SLC25A13: variants seen among roughly 807,000 people sequenced by gnomAD.
SLC25A13 encodes the protein solute carrier family 25 member 13.
Under a neutral mutation model 85.5 loss-of-function variants are expected in SLC25A13, and 70 were observed. The observed-to-expected ratio is 0.82, with a 90% CI of 0.68 to 1.00. SLC25A13 has a LOEUF of 1.00. SLC25A13 is among the 50% of genes least tolerant of loss of function. The pLI is 0.00. For synonymous variants in SLC25A13, 259 were observed against 288.7 expected, an observed-to-expected ratio of 0.90 and a Z score of 1.04; for missense variants, 765 against 819.8, an observed-to-expected ratio of 0.93 and a Z score of 0.82.
At chr7:96,235,036 A>G in intron 3 of SLC25A13, 119 bp from the exon 4 acceptor site, 1 of 696,288 alleles carries the variant, frequency 1.4e-6, no homozygotes, top group Non-Finnish European at 2.5e-6. Context: ...ATTCAAACTG[A>G]AAACATTTAT....
intron 4 of SLC25A13, among the ~76,000 whole-genome samples, chr7:96,228,362 C>T (rs1271130048): frequency 6.6e-6 from 1 of 152,064 alleles, no homozygotes; most frequent in Non-Finnish European, 1.5e-5. Flanking sequence ...AAGAAGATAG[C>T]CAAATGGCCA....
At chr7:96,164,747 A>ACAC (rs55828121) in intron 13 of SLC25A13, among the ~76,000 whole-genome samples, 1 of 85,062 alleles carries the variant, frequency 1.2e-5, no homozygotes, top group Non-Finnish European at 2.6e-5. Flanking sequence ...CACACACACA[A>ACAC]AAGAAGCAGC....
intron 4 of SLC25A13, among the ~76,000 whole-genome samples, chr7:96,210,988 T>C (rs778522905): frequency 2.0e-5 from 3 of 152,188 alleles, no homozygotes; most frequent in Non-Finnish European, 4.4e-5. Flanking sequence ...TCAATCTCTG[T>C]TTCCCATAGA....
At chr7:96,310,740 A>G (rs1336693235) in intron 1 of SLC25A13, among the ~76,000 whole-genome samples, 1 of 152,232 alleles carries the variant, frequency 6.6e-6, no homozygotes, top group Non-Finnish European at 1.5e-5. Context: ...TTCAGTAAAG[A>G]AACTTTATCA....
At chr7:96,128,457 C>T (rs1372434666) in intron 15 of SLC25A13, among the ~76,000 whole-genome samples, 2 of 152,136 alleles carry the variant, frequency 1.3e-5, no homozygotes, top group Admixed American at 1.3e-4. Flanking sequence ...CTTCGCATTA[C>T]ACAGTTTTTA....
chr7:96,314,901 T>C (rs1039357690), intron 1 of SLC25A13, among the ~76,000 whole-genome samples: 4 of 152,172 alleles, frequency 2.6e-5, no homozygotes, highest in African/African-American at 9.7e-5. Context: ...TGAAGCCATA[T>C]GACCTAAGCC....
At chr7:96,225,962 T>C (rs1377614029) in intron 4 of SLC25A13, among the ~76,000 whole-genome samples, 3 of 150,262 alleles carry the variant, frequency 2.0e-5, no homozygotes, top group African/African-American at 7.4e-5. Context: ...TCCATCCCCA[T>C]ATCTACACGA....
intron 14 of SLC25A13, among the ~76,000 whole-genome samples, chr7:96,133,395 C>T (rs1157000458): frequency 2.0e-5 from 3 of 152,174 alleles, no homozygotes; most frequent in Non-Finnish European, 2.9e-5. Flanking sequence ...GGTAATCTAT[C>T]GTCCTGGATG....
At chr7:96,240,441 G>A (rs1166584905) in intron 3 of SLC25A13, among the ~76,000 whole-genome samples, 1 of 152,204 alleles carries the variant, frequency 6.6e-6, no homozygotes, top group Non-Finnish European at 1.5e-5. Context: ...ATGTTTGGCA[G>A]AGGGCAGTTC....
intron 2 of SLC25A13, among the ~76,000 whole-genome samples, chr7:96,290,115 A>G (rs2116977037): frequency 6.6e-6 from 1 of 152,352 alleles, no homozygotes; most frequent in South Asian, 2.1e-4. Flanking sequence ...AGTGGGGGCC[A>G]ATATTCAACA....
intron 13 of SLC25A13, among the ~76,000 whole-genome samples, chr7:96,159,450 A>C (rs897699804): frequency 1.3e-5 from 2 of 152,166 alleles, no homozygotes; most frequent in African/African-American, 4.8e-5. Context: ...CACAGACGAC[A>C]CATGGACTGA....
chr7:96,132,386 C>G (rs949022102), intron 14 of SLC25A13, among the ~76,000 whole-genome samples: 2 of 152,148 alleles, frequency 1.3e-5, no homozygotes, highest in African/African-American at 4.8e-5. Flanking sequence ...AAAATTATAT[C>G]TTTTCAGGGG....
At chr7:96,281,208 T>G (rs78687070) in intron 2 of SLC25A13, among the ~76,000 whole-genome samples, 1 of 152,094 alleles carries the variant, frequency 6.6e-6, no homozygotes, top group African/African-American at 2.4e-5. Context: ...CTGGCCAACA[T>G]GGTGAAACCC....
intron 15 of SLC25A13, among the ~76,000 whole-genome samples, chr7:96,131,022 A>G (rs1217203832): frequency 6.6e-6 from 1 of 152,194 alleles, no homozygotes; most frequent in African/African-American, 2.4e-5. Context: ...ACAGGTATCA[A>G]AAATGTTTGG....
chr7:96,132,495 CAAT>C (rs1353746132), intron 14 of SLC25A13, among the ~76,000 whole-genome samples: 11 of 152,176 alleles, frequency 7.2e-5, no homozygotes, highest in African/African-American at 2.4e-4. Flanking sequence ...GAAATATTCA[CAAT>C]AATTCGGATA....
At chr7:96,242,754 G>A (rs183566302) in intron 3 of SLC25A13, among the ~76,000 whole-genome samples, 5 of 152,172 alleles carry the variant, frequency 3.3e-5, no homozygotes, top group East Asian at 3.9e-4. Context: ...GGAAGCCTTC[G>A]CCCCACTTCG....
intron 4 of SLC25A13, among the ~76,000 whole-genome samples, chr7:96,230,503 C>T (rs888324073): frequency 2.6e-5 from 4 of 152,308 alleles, no homozygotes; most frequent in African/African-American, 9.6e-5. Context: ...CTGTCACATA[C>T]AATAGGCTAA....
At chr7:96,170,316 A>G (rs1793946336) in intron 12 of SLC25A13, among the ~76,000 whole-genome samples, 191 bp from the exon 13 acceptor site, 1 of 152,220 alleles carries the variant, frequency 6.6e-6, no homozygotes, top group African/African-American at 2.4e-5. Context: ...TTAAAAAATG[A>G]AAAATATATA....
intron 13 of SLC25A13, among the ~76,000 whole-genome samples, chr7:96,166,770 C>T (rs1324049248): frequency 6.6e-6 from 1 of 152,156 alleles, no homozygotes; most frequent in East Asian, 1.9e-4. Flanking sequence ...GGGAACCTAA[C>T]TGGAAGTGGC....
Sources: allele counts gnomAD v4.1 joint callset (sites outside exome capture counted in the v4.1 genomes callset), GRCh38; gene constraint gnomAD v4.1.1; transcripts MANE v1.5; gene names NCBI Gene and HGNC (gene_info 2026-07-23, HGNC 2026-07-21).